PTPRD: variants seen among roughly 807,000 people sequenced by gnomAD.
PTPRD encodes protein tyrosine phosphatase receptor type D, also known as receptor-type tyrosine-protein phosphatase delta.
PTPRD carries 34 observed loss-of-function variants against 214.5 expected under a neutral mutation model. The observed-to-expected ratio is 0.16, with a 90% CI of 0.12 to 0.21. The LOEUF (loss-of-function observed/expected upper bound fraction) is 0.21, where lower values mean the gene tolerates loss of function less well. PTPRD is among the 10% of genes least tolerant of loss of function. The probability of loss-of-function intolerance (pLI) is 1.00; values close to 1 mark genes in which losing one functional copy is unlikely to be tolerated. For missense variants in PTPRD, 2,545 were observed against 2,398.7 expected (o/e 1.06, Z -1.27); for synonymous variants, 1,128 against 845.7 (o/e 1.33, Z -5.79).
intron 8 of PTPRD, among the ~76,000 whole-genome samples, chr9:9,449,443 G>A (rs1207437955): frequency 6.6e-6 from 1 of 151,946 alleles, no homozygotes; most frequent in South Asian, 2.1e-4. Flanking sequence ...GTAGTGAATT[G>A]TAATTGCTGA....
intron 8 of PTPRD, among the ~76,000 whole-genome samples, chr9:9,534,781 C>T (rs1201239832): frequency 6.9e-6 from 1 of 145,652 alleles, no homozygotes; most frequent in Non-Finnish European, 1.5e-5. Flanking sequence ...TTTTAGTTAT[C>T]TATGTCCTTC....
chr9:10,338,873 A>T (rs1434663154), intron 3 of PTPRD, among the ~76,000 whole-genome samples: 4 of 151,672 alleles, frequency 2.6e-5, no homozygotes, highest in Non-Finnish European at 5.9e-5. Context: ...AGCTTATAGG[A>T]TAAATGAATA....
intron 8 of PTPRD, among the ~76,000 whole-genome samples, chr9:9,416,429 G>A (rs1205366139): frequency 6.6e-6 from 1 of 152,066 alleles, no homozygotes; most frequent in African/African-American, 2.4e-5. Flanking sequence ...TTTCCTCATG[G>A]GGAGTTTATG....
chr9:9,309,851 C>A (rs573493519), intron 9 of PTPRD, among the ~76,000 whole-genome samples: 13 of 152,240 alleles, frequency 8.5e-5, no homozygotes, highest in African/African-American at 2.6e-4. Context: ...AATAGTGGCT[C>A]TATTCTTAAG....
At chr9:10,041,244 T>C (rs1482654804) in intron 3 of PTPRD, among the ~76,000 whole-genome samples, 1 of 151,982 alleles carries the variant, frequency 6.6e-6, no homozygotes, top group African/African-American at 2.4e-5. Flanking sequence ...TAGTTGTATA[T>C]TGAGGTAGTT....
chr9:8,885,483 A>T (rs1226069611), intron 11 of PTPRD, among the ~76,000 whole-genome samples: 2 of 142,308 alleles, frequency 1.4e-5, no homozygotes, highest in Non-Finnish European at 3.0e-5. Context: ...TATACCACAC[A>T]GCCTCTTTTT....
chr9:10,365,029 TTCTC>T (rs780637460), intron 2 of PTPRD, among the ~76,000 whole-genome samples: 2 of 152,142 alleles, frequency 1.3e-5, no homozygotes, highest in African/African-American at 4.8e-5. Context: ...ATCTTAACAA[TTCTC>T]TCTTTTTTTC....
chr9:8,786,173 T>C (rs1009889682), intron 11 of PTPRD, among the ~76,000 whole-genome samples: 1 of 152,034 alleles, frequency 6.6e-6, no homozygotes, highest in African/African-American at 2.4e-5. Context: ...AAAATGGCCA[T>C]GGAACCATTC....
intron 8 of PTPRD, among the ~76,000 whole-genome samples, chr9:9,562,566 A>G (rs1276770095): frequency 6.6e-6 from 1 of 152,046 alleles, no homozygotes; most frequent in African/African-American, 2.4e-5. Context: ...CAGGTCCTAG[A>G]ACTCTGCCTT....
At chr9:8,832,408 A>ATTTTTT (rs1555402610) in intron 11 of PTPRD, among the ~76,000 whole-genome samples, 1 of 62,930 alleles carries the variant, frequency 1.6e-5, no homozygotes. Flanking sequence ...AGCTAAAATC[A>ATTTTTT]TCTTTTTTTT....
intron 3 of PTPRD, among the ~76,000 whole-genome samples, chr9:10,157,121 C>T (rs2099098485): frequency 6.6e-6 from 1 of 152,136 alleles, no homozygotes; most frequent in African/African-American, 2.4e-5. Flanking sequence ...GGGCATTTAG[C>T]CCATCTACAT....
intron 3 of PTPRD, among the ~76,000 whole-genome samples, chr9:10,210,935 CATAAA>C (rs1268304391): frequency 6.7e-6 from 1 of 149,638 alleles, no homozygotes; most frequent in Non-Finnish European, 1.5e-5. Context: ...TAAGTCATTC[CATAAA>C]ATTCACCTAT....
At chr9:10,377,258 C>T (rs1410831051) in intron 2 of PTPRD, among the ~76,000 whole-genome samples, 2 of 151,844 alleles carry the variant, frequency 1.3e-5, no homozygotes, top group Non-Finnish European at 2.9e-5. Flanking sequence ...GGATGAATAG[C>T]ACTCCATTAT....
At chr9:9,272,413 G>A (rs1223790104) in intron 9 of PTPRD, among the ~76,000 whole-genome samples, 1 of 151,200 alleles carries the variant, frequency 6.6e-6, no homozygotes, top group Non-Finnish European at 1.5e-5. Context: ...TTAACTACAA[G>A]CAGTACTGTT....
At chr9:8,349,204 C>G (rs1360164669) in intron 39 of PTPRD, among the ~76,000 whole-genome samples, 2 of 152,156 alleles carry the variant, frequency 1.3e-5, no homozygotes, top group Non-Finnish European at 2.9e-5. Flanking sequence ...GAGATGCAAA[C>G]AACCTGTGCT....
intron 11 of PTPRD, among the ~76,000 whole-genome samples, chr9:9,012,690 G>C (rs939578972): frequency 6.6e-6 from 1 of 152,110 alleles, no homozygotes; most frequent in Non-Finnish European, 1.5e-5. Context: ...TTTTTATCAA[G>C]TTCTATCAAT....
At chr9:8,447,677 G>A (rs1031113333) in intron 34 of PTPRD, among the ~76,000 whole-genome samples, 3 of 152,104 alleles carry the variant, frequency 2.0e-5, no homozygotes, top group East Asian at 1.9e-4. Flanking sequence ...CTGTTGGTGC[G>A]AGAGGAGGTG....
chr9:8,940,201 C>T (rs955636539), intron 11 of PTPRD, among the ~76,000 whole-genome samples: 3 of 150,488 alleles, frequency 2.0e-5, no homozygotes, highest in African/African-American at 4.9e-5. Flanking sequence ...TCCCTGATAC[C>T]GTGTTTGCAC....
At chr9:9,546,169 T>C (rs1416641670) in intron 8 of PTPRD, among the ~76,000 whole-genome samples, 1 of 151,730 alleles carries the variant, frequency 6.6e-6, no homozygotes, top group Non-Finnish European at 1.5e-5. Context: ...GTTTTGAGTT[T>C]TGTGCATTAA....
Sources: gnomAD v4.1 joint callset for allele counts (sites outside exome capture counted in the v4.1 genomes callset) on GRCh38, gnomAD v4.1.1 for gene constraint, MANE v1.5 for transcripts, NCBI Gene and HGNC (gene_info 2026-07-23, HGNC 2026-07-21) for gene names.